Variants in KCNB2 observed in about 807,000 individuals in gnomAD.
KCNB2 encodes the protein delayed rectifier potassium channel protein.
KCNB2 carries 15 observed loss-of-function variants against 61.5 expected under a neutral mutation model. That is an observed-to-expected ratio of 0.24 (90% CI 0.16 to 0.38). The LOEUF is 0.38. KCNB2 is among the 10% of genes least tolerant of loss of function. KCNB2 has a pLI of 1.00. For synonymous variants in KCNB2, 457 were observed against 446.0 expected, an observed-to-expected ratio of 1.02 and a Z score of -0.31; for missense variants, 828 against 1,125.2, an observed-to-expected ratio of 0.74 and a Z score of 3.78.
rs78358292 is a variant in KCNB2 at position 72,729,036 on chromosome 8, T to C, written c.579+160723T>C. On this transcript the variant is annotated intron_variant, in intron 2 of 2. Transcript: ENST00000523207. Reference sequence around the variant, plus strand: ...TAACAAAAACTGAGAGATAAACCTGTGTCCTGGCAATTAAAGTGATCAAAG... The same window carrying C: ...TAACAAAAACTGAGAGATAAACCTGCGTCCTGGCAATTAAAGTGATCAAAG... Among the ~76,000 whole-genome samples, 262 of 152,316 alleles carry C rather than the reference T, an allele frequency of 1.7e-3. 5 individuals carry two copies. The East Asian group carries it at 0.046, about 27-fold the overall frequency.
intron 2 of KCNB2, among the ~76,000 whole-genome samples, chr8:72,714,067 A>G (rs1189351555): frequency 6.6e-6 from 1 of 152,218 alleles, no homozygotes. Flanking sequence ...TCAGCAATGG[A>G]AGACGAAATG....
intron 2 of KCNB2, among the ~76,000 whole-genome samples, chr8:72,756,041 T>C (rs550214240): frequency 9.2e-5 from 14 of 152,196 alleles, no homozygotes; most frequent in Non-Finnish European, 2.1e-4. Context: ...GGTCTGGATC[T>C]TCTCACAAGT....
At chr8:72,829,435 T>C (rs757356091) in intron 2 of KCNB2, among the ~76,000 whole-genome samples, 1 of 152,224 alleles carries the variant, frequency 6.6e-6, no homozygotes, top group Non-Finnish European at 1.5e-5. Flanking sequence ...GATTCAGTGA[T>C]AAGACAGCTT....
chr8:72,610,758 C>T, intron 2 of KCNB2, among the ~76,000 whole-genome samples: 1 of 152,056 alleles, frequency 6.6e-6, no homozygotes, highest in East Asian at 1.9e-4. Flanking sequence ...AAAATGAAGG[C>T]AAATAACTAT....
chr8:72,866,414 C>A (rs1489826885), intron 2 of KCNB2, among the ~76,000 whole-genome samples: 1 of 152,200 alleles, frequency 6.6e-6, no homozygotes, highest in Non-Finnish European at 1.5e-5. Context: ...AGTGTGTTTG[C>A]ACAGATTTAT....
intron 2 of KCNB2, among the ~76,000 whole-genome samples, chr8:72,921,030 C>T (rs115993365): frequency 0.018 from 2,668 of 152,032 alleles, 64 homozygotes; most frequent in African/African-American, 0.051. Flanking sequence ...TTGCAGAGCG[C>T]GGAAGGTAGG....
intron 2 of KCNB2, among the ~76,000 whole-genome samples, chr8:72,897,195 G>A (rs961484760): frequency 1.3e-5 from 2 of 151,862 alleles, no homozygotes; most frequent in African/African-American, 4.8e-5. Context: ...CTAGAATATA[G>A]TGGCCACCCT....
chr8:72,874,569 G>A (rs1585947317), intron 2 of KCNB2, among the ~76,000 whole-genome samples: 1 of 152,350 alleles, frequency 6.6e-6, no homozygotes, highest in East Asian at 1.9e-4. Flanking sequence ...TGGACAGGTG[G>A]ACACAGACAC....
chr8:72,819,084 G>A (rs1809449923), intron 2 of KCNB2, among the ~76,000 whole-genome samples: 1 of 152,164 alleles, frequency 6.6e-6, no homozygotes, highest in African/African-American at 2.4e-5. Flanking sequence ...GGTAAATTCA[G>A]AGACAAAGCC....
intron 2 of KCNB2, among the ~76,000 whole-genome samples, chr8:72,885,828 C>A (rs1805797819): frequency 6.6e-6 from 1 of 151,970 alleles, no homozygotes; most frequent in Non-Finnish European, 1.5e-5. Context: ...AGGGCTATTT[C>A]TAAATACTCA....
intron 2 of KCNB2, among the ~76,000 whole-genome samples, chr8:72,725,573 A>ATATATATG (rs1563571989): frequency 1.6e-5 from 1 of 62,182 alleles, no homozygotes; most frequent in Non-Finnish European, 3.0e-5. Flanking sequence ...ATGTATATAT[A>ATATATATG]TGTATATATA....
chr8:72,570,877 T>A (rs1281557171), intron 2 of KCNB2, among the ~76,000 whole-genome samples: 1 of 152,218 alleles, frequency 6.6e-6, no homozygotes, highest in East Asian at 1.9e-4. Context: ...GGTAATTTAG[T>A]TGAACATATG....
intron 2 of KCNB2, among the ~76,000 whole-genome samples, chr8:72,839,954 A>G (rs1376147710): frequency 6.6e-6 from 1 of 151,664 alleles, no homozygotes; most frequent in Non-Finnish European, 1.5e-5. Flanking sequence ...ATACATGTGC[A>G]GAACGTGCAG....
At chr8:72,688,719 C>G (rs1461783697) in intron 2 of KCNB2, among the ~76,000 whole-genome samples, 1 of 151,944 alleles carries the variant, frequency 6.6e-6, no homozygotes, top group African/African-American at 2.4e-5. Flanking sequence ...GCTTAATTTA[C>G]TCATTTTTTA....
chr8:72,665,759 C>T (rs1030378339), intron 2 of KCNB2, among the ~76,000 whole-genome samples: 1 of 152,204 alleles, frequency 6.6e-6, no homozygotes, highest in Non-Finnish European at 1.5e-5. Context: ...TTACTCCCAG[C>T]CAAAAACTTA....
At chr8:72,727,905 G>T (rs1003849504) in intron 2 of KCNB2, among the ~76,000 whole-genome samples, 4 of 152,160 alleles carry the variant, frequency 2.6e-5, no homozygotes, top group Non-Finnish European at 5.9e-5. Flanking sequence ...ATAAATAATA[G>T]TCTTAGCAAT....
At chr8:72,892,477 C>T (rs1282858534) in intron 2 of KCNB2, among the ~76,000 whole-genome samples, 1 of 152,178 alleles carries the variant, frequency 6.6e-6, no homozygotes. Context: ...TGGCTCTTCT[C>T]AGTTAATCCA....
intron 1 of KCNB2, among the ~76,000 whole-genome samples, chr8:72,556,773 G>T (rs956525518): frequency 2.6e-5 from 4 of 152,104 alleles, no homozygotes; most frequent in African/African-American, 9.7e-5. Flanking sequence ...GTGTCCCAAG[G>T]TGAATTTTGG....
chr8:72,888,165 CAATCAT>C (rs1805837027), intron 2 of KCNB2, among the ~76,000 whole-genome samples: 1 of 152,138 alleles, frequency 6.6e-6, no homozygotes, highest in Non-Finnish European at 1.5e-5. Flanking sequence ...TGCAGTGGTG[CAATCAT>C]AGCTTACTGA....
Sources: allele counts gnomAD v4.1 joint callset (sites outside exome capture counted in the v4.1 genomes callset), GRCh38; gene constraint gnomAD v4.1.1; transcripts MANE v1.5; gene names NCBI Gene and HGNC (gene_info 2026-07-23, HGNC 2026-07-21).